Variants in PAXBP1 observed in about 807,000 individuals in gnomAD.
PAXBP1 encodes PAX3 and PAX7 binding protein 1, also known as PAX3- and PAX7-binding protein 1.
A neutral mutation model predicts 119.9 loss-of-function variants in PAXBP1; 44 were observed. That is an observed-to-expected ratio of 0.37 (90% CI 0.29 to 0.47). The LOEUF (loss-of-function observed/expected upper bound fraction) is 0.47, where lower values mean the gene tolerates loss of function less well. Among genes scored for constraint, PAXBP1 ranks in the 20% least tolerant of loss-of-function variants. The pLI is 0.99. For synonymous variants in PAXBP1, 393 were observed against 406.6 expected, an observed-to-expected ratio of 0.97 and a Z score of 0.40; for missense variants, 898 against 1,134.1, an observed-to-expected ratio of 0.79 and a Z score of 2.99.
intron 4 of PAXBP1, among the ~76,000 whole-genome samples, chr21:32,761,437 A>C (rs1279571087): frequency 1.3e-5 from 2 of 152,212 alleles, no homozygotes. Context: ...AACAAAATCT[A>C]ATGCCTCCTA....
Position 32,734,899 on chromosome 21 carries a change from T to C in PAXBP1, c.*51A>G. 1.5e-6 allele frequency: 2 copies of C among 1,363,426 alleles called. No individual in the cohort carries two copies. The highest frequency in any genetic ancestry group is 2.1e-6 in the Non-Finnish European group (2 of 954,704). 84.5% of individuals were successfully genotyped at this position (1,363,426 alleles called of 1,614,324 possible). On this transcript the variant is annotated 3_prime_UTR_variant, in exon 18 of 18. Coordinates refer to ENST00000331923, the MANE Select transcript of PAXBP1 (RefSeq NM_016631.4). ...AAGAAACTTTACATATATACAAAAT[T>C]TACACATTGGGAATGGTAATCAAGC...
rs1051008485 is a variant in PAXBP1, at chr21:32,771,698, C to T, written c.-30G>A. On this transcript the variant is annotated 5_prime_UTR_variant, in exon 1 of 18. Transcript: ENST00000331923. ...GCGGCCCGCACGGCGGTCGAATACT[C>T]GCTTCCACACCGCGGCCCCGGCAGC... The T allele has an allele frequency of 1.7e-5, 23 of 1,355,234 alleles. No individual in the cohort carries two copies. The highest frequency in any genetic ancestry group is 2.1e-5 in the Non-Finnish European group (22 of 1,054,616). The allele number at this position is 1,355,234 out of a possible 1,614,324, so 84.0% of individuals were successfully genotyped here. A position where few individuals can be genotyped will look rare whatever the true frequency, so the allele number is the denominator to read the frequency against.
chr21:32,755,323 T>C lies in PAXBP1; in HGVS notation c.1414A>G (p.Ile472Val), dbSNP rs1368062808. 1.2e-6 allele frequency: 2 copies of C among 1,613,282 alleles called. No individual in the cohort carries two copies. The highest frequency in any genetic ancestry group is 1.7e-5 in the Admixed American group (1 of 59,870). ...VPLINELESAIHQLYKQRASR... is the reference protein window; with the variant it reads ...VPLINELESAVHQLYKQRASR... The stretch of plus-strand genomic sequence containing the variant: ...GCTCGCTGTTTGTACAGCTGATGTA[T>C]TGCTGATTCAAGTTCATTAATCAGT... The change falls in exon 8 of 18, where the codon ATA becomes GTA. Residue 472 changes from isoleucine to valine, a missense_variant. Ile to Val is a conservative substitution (Grantham distance 29). Around this residue, in one of 2 missense-constraint regions of PAXBP1, gnomAD observed 599 missense variants for 852.7 expected, o/e 0.70. Coordinates refer to ENST00000331923, the MANE Select transcript of PAXBP1 (RefSeq NM_016631.4).
chr21:32,743,243 C>T lies in PAXBP1; in HGVS notation c.2334+5G>A. 1 of 1,570,662 alleles carries T rather than the reference C, an allele frequency of 6.4e-7. No homozygotes were observed. Among genetic ancestry groups the T allele is most frequent in the South Asian group, 1.2e-5 (1 of 83,700 alleles). On this transcript the variant is annotated splice_donor_5th_base_variant and intron_variant, in intron 15 of 17. Transcript: ENST00000331923. The stretch of plus-strand genomic sequence containing the variant: ...GAGTCTTTTAGATAGTCTATGGACA[C>T]GTACCTTAACTGAAGACCAAAACTG...
At chr21:32,738,050 C>A (rs929223872) in intron 16 of PAXBP1, 123 bp downstream of exon 16, 7 of 1,010,364 alleles carry the variant, frequency 6.9e-6, no homozygotes, top group Non-Finnish European at 9.6e-6. Context: ...AACTGTCAAC[C>A]TTACATGCAA....
In PAXBP1 at chr21:32,745,625, C is replaced by T; in HGVS notation, c.2017G>A (p.Val673Ile). The T allele has an allele frequency of 6.2e-7, 1 of 1,614,006 alleles. No individual in the cohort carries two copies. The highest frequency in any genetic ancestry group is 8.5e-7 in the Non-Finnish European group (1 of 1,179,918). Residue 673 changes from valine to isoleucine, a missense_variant, in exon 12 of 18, where the codon GTT (valine) becomes ATT (isoleucine). Coordinates refer to ENST00000331923, the MANE Select transcript of PAXBP1 (RefSeq NM_016631.4). Reference sequence around the variant, plus strand: ...TCCACAATGGTAGGTAGTAGGGCAACATCTACATCATCTTTTTCTTGCTCT... The same window carrying T: ...TCCACAATGGTAGGTAGTAGGGCAATATCTACATCATCTTTTTCTTGCTCT... ...EREQEKDDVD[V>I]ALLPTIVEKV...
chr21:32,765,990 C>T (rs2044235608), intron 2 of PAXBP1, among the ~76,000 whole-genome samples: 1 of 152,130 alleles, frequency 6.6e-6, no homozygotes, highest in South Asian at 2.1e-4. Flanking sequence ...CAAAAATTAG[C>T]TGGGCTTGGT....
Position 32,759,097 on chromosome 21 carries a change from C to G in PAXBP1, c.1366G>C (p.Glu456Gln). 6.2e-7 allele frequency: 1 copy of G among 1,613,576 alleles called. No individual in the cohort carries two copies. Among genetic ancestry groups the G allele is most frequent in the Non-Finnish European group, 8.5e-7 (1 of 1,179,684 alleles). ...ATTCTTACCTTTTCACTGAAACACT[C>G]AAGCAAGTCTTGGACATACCCTCGC... ...EMRGYVQDLL[E>Q]CFSEKVPLIN... Residue 456 changes from glutamate to glutamine, a missense_variant, in exon 7 of 18, where the codon GAG (glutamate) becomes CAG (glutamine). Glu to Gln is a conservative substitution (Grantham distance 29). Around this residue, in one of 2 missense-constraint regions of PAXBP1, gnomAD observed 599 missense variants for 852.7 expected, o/e 0.70. Coordinates refer to ENST00000331923, the MANE Select transcript of PAXBP1 (RefSeq NM_016631.4).
intron 7 of PAXBP1, chr21:32,756,586 A>G (rs554142220): frequency 5.5e-5 from 14 of 253,148 alleles, no homozygotes; most frequent in Non-Finnish European, 1.1e-4. Flanking sequence ...AGACTCTATC[A>G]TTAAAATTTA....
chr21:32,747,460 C>T (rs962145518), intron 11 of PAXBP1, among the ~76,000 whole-genome samples: 1 of 152,160 alleles, frequency 6.6e-6, no homozygotes, highest in South Asian at 2.1e-4. Flanking sequence ...AAAATACAGT[C>T]TTGGGCCTTT....
chr21:32,737,214 AAAC>A, intron 17 of PAXBP1, 37 bp downstream of exon 17: 4 of 1,417,152 alleles, frequency 2.8e-6, no homozygotes, highest in Non-Finnish European at 3.7e-6. Context: ...TCTGGCAACT[AAAC>A]AACTCTAGAT....
chr21:32,763,384 G>A (rs1019145212), intron 3 of PAXBP1, among the ~76,000 whole-genome samples: 2 of 152,130 alleles, frequency 1.3e-5, no homozygotes, highest in African/African-American at 4.8e-5. Flanking sequence ...TAAATCTCTA[G>A]ATATGAAATT....
At chr21:32,760,677 G>T (rs2044124857) in intron 5 of PAXBP1, among the ~76,000 whole-genome samples, 1 of 152,124 alleles carries the variant, frequency 6.6e-6, no homozygotes, top group Admixed American at 6.6e-5. Flanking sequence ...AACAAAGATT[G>T]CTGGCCCCAC....
intron 1 of PAXBP1, 89 bp downstream of exon 1, chr21:32,771,237 G>C: frequency 1.6e-6 from 2 of 1,224,990 alleles, no homozygotes; most frequent in South Asian, 3.2e-5. Context: ...AGGGCTCCGG[G>C]GCTGGGCGTC....
intron 7 of PAXBP1, among the ~76,000 whole-genome samples, chr21:32,758,107 G>T (rs147890197): frequency 1.9e-3 from 297 of 152,342 alleles, no homozygotes; most frequent in Non-Finnish European, 3.6e-3. Context: ...CAGGAAGAAA[G>T]ATCCATCAGG....
intron 16 of PAXBP1, 135 bp downstream of exon 16, chr21:32,738,038 C>A: frequency 1.2e-6 from 1 of 847,982 alleles, no homozygotes; most frequent in Non-Finnish European, 1.7e-6. Flanking sequence ...CCTGGGTAGG[C>A]AAACTGTCAA....
At chr21:32,745,802 A>T in intron 11 of PAXBP1, 84 bp from the exon 12 acceptor site, 1 of 1,534,828 alleles carries the variant, frequency 6.5e-7, no homozygotes, top group Non-Finnish European at 8.9e-7. Context: ...CAAGAACTGG[A>T]TTTAACCTTT....
intron 8 of PAXBP1, 93 bp from the exon 9 acceptor site, chr21:32,751,311 G>T: frequency 8.7e-7 from 1 of 1,152,982 alleles, no homozygotes; most frequent in Non-Finnish European, 1.3e-6. Flanking sequence ...CAGACTGCTT[G>T]CTAATCTCAA....
At chr21:32,744,943 A>G in intron 12 of PAXBP1, 30 bp from the exon 13 acceptor site, 1 of 1,591,168 alleles carries the variant, frequency 6.3e-7, no homozygotes. Flanking sequence ...ATTGAGACAC[A>G]GAAGCCAATT....
Sources: gnomAD v4.1 joint callset for allele counts (sites outside exome capture counted in the v4.1 genomes callset) on GRCh38, gnomAD v4.1.1 for gene constraint, gnomAD v4.1.1 regional missense constraint, MANE v1.5 for transcripts, NCBI Gene and HGNC (gene_info 2026-07-23, HGNC 2026-07-21) for gene names.